The following LIPA variants were observed in gnomAD, a reference collection of about 807,000 sequenced individuals.
LIPA encodes lipase A, lysosomal acid type, also known as lysosomal acid lipase/cholesteryl ester hydrolase.
Under a neutral mutation model 40.6 loss-of-function variants are expected in LIPA, and 26 were observed. The ratio of observed to expected loss-of-function variants is 0.64; its 90% confidence interval spans 0.47 to 0.89. The LOEUF (loss-of-function observed/expected upper bound fraction) is 0.89, where lower values mean the gene tolerates loss of function less well. Ranked by LOEUF, LIPA falls within the 40% of genes least tolerant of loss-of-function variation. The pLI is 0.00. For missense variants in LIPA, 455 were observed against 479.6 expected (o/e 0.95, Z 0.48); for synonymous variants, 188 against 168.4 (o/e 1.12, Z -0.90).
intron 2 of LIPA, among the ~76,000 whole-genome samples, chr10:89,375,097 C>T (rs529862805): frequency 6.6e-6 from 1 of 152,218 alleles, no homozygotes; most frequent in Non-Finnish European, 1.5e-5. Context: ...ACTGTGAAAG[C>T]AACACTCACA....
At chr10:89,223,215 CA>C (rs1416994506) in intron 7 of LIPA, among the ~76,000 whole-genome samples, 7 of 151,968 alleles carry the variant, frequency 4.6e-5, no homozygotes, top group Non-Finnish European at 8.8e-5. Flanking sequence ...AGGTTTGTTA[CA>C]AGGGTGGATT....
intron 1 of LIPA, among the ~76,000 whole-genome samples, chr10:89,294,219 A>T (rs1289685876): frequency 6.6e-6 from 1 of 152,270 alleles, no homozygotes; most frequent in Non-Finnish European, 1.5e-5. Flanking sequence ...CCACTCAAAG[A>T]CTGCCCAACT....
chr10:89,244,387 A>G (rs1284193642), intron 3 of LIPA, among the ~76,000 whole-genome samples: 2 of 152,222 alleles, frequency 1.3e-5, no homozygotes, highest in Non-Finnish European at 2.9e-5. Flanking sequence ...TTGCCCGTAT[A>G]ACACTTAAAT....
upstream of LIPA, among the ~76,000 whole-genome samples, chr10:89,252,288 T>C (rs1170579302): frequency 6.6e-6 from 1 of 152,270 alleles, no homozygotes; most frequent in Non-Finnish European, 1.5e-5. Flanking sequence ...ATATTCAATA[T>C]GTACATATTA....
chr10:89,363,948 G>A (rs1291240358), intron 2 of LIPA, among the ~76,000 whole-genome samples: 1 of 152,180 alleles, frequency 6.6e-6, no homozygotes, highest in Admixed American at 6.5e-5. Flanking sequence ...CACATTGAAA[G>A]GGGAAAAGAA....
intron 1 of LIPA, among the ~76,000 whole-genome samples, chr10:89,261,460 G>A (rs1589581721): frequency 6.6e-6 from 1 of 152,064 alleles, no homozygotes; most frequent in East Asian, 1.9e-4. Flanking sequence ...AGCCCAGATC[G>A]TGCCATTGCA....
chr10:89,297,767 T>C (rs547526834), intron 1 of LIPA, among the ~76,000 whole-genome samples: 1 of 152,304 alleles, frequency 6.6e-6, no homozygotes, highest in East Asian at 1.9e-4. Flanking sequence ...TGGGCTTACA[T>C]GTAGAGAGCA....
chr10:89,387,350 C>T (rs1589629669), intron 2 of LIPA, among the ~76,000 whole-genome samples: 1 of 150,210 alleles, frequency 6.7e-6, no homozygotes, highest in Middle Eastern at 3.5e-3. Context: ...ATTTTAACAA[C>T]ATCAATTCAC....
At chr10:89,344,669 A>G (rs117510274), upstream of LIPA, among the ~76,000 whole-genome samples, 8 of 152,172 alleles carry the variant, frequency 5.3e-5, no homozygotes, top group East Asian at 1.5e-3. Flanking sequence ...CTGGCTTGGT[A>G]GTGCTCCCAT....
At chr10:89,247,723 C>T in intron 1 of LIPA, 74 bp from the exon 2 acceptor site, 4 of 1,072,468 alleles carry the variant, frequency 3.7e-6, no homozygotes, top group Non-Finnish European at 5.7e-6. Context: ...CTTAATGCTC[C>T]CACAAAAAGT....
intron 1 of LIPA, among the ~76,000 whole-genome samples, chr10:89,280,488 G>T (rs1402922822): frequency 2.0e-5 from 3 of 152,194 alleles, no homozygotes; most frequent in African/African-American, 4.8e-5. Context: ...GCTTTCAGAA[G>T]TTTGCACTCA....
intron 1 of LIPA, among the ~76,000 whole-genome samples, chr10:89,304,570 C>A (rs1180620604): frequency 6.6e-6 from 1 of 151,924 alleles, no homozygotes; most frequent in Non-Finnish European, 1.5e-5. Flanking sequence ...AATACAGCTC[C>A]TGATACAAGG....
At chr10:89,218,793 G>T (rs1009564442) in intron 8 of LIPA, among the ~76,000 whole-genome samples, 3 of 152,088 alleles carry the variant, frequency 2.0e-5, no homozygotes, top group African/African-American at 7.3e-5. Context: ...TCATCAGTCT[G>T]GGCCACCTCT....
chr10:89,276,078 G>A (rs1256265166), intron 1 of LIPA, among the ~76,000 whole-genome samples: 2 of 152,178 alleles, frequency 1.3e-5, no homozygotes, highest in Admixed American at 1.3e-4. Flanking sequence ...TAAAAGGTAG[G>A]CTCTGGATAG....
intron 1 of LIPA, among the ~76,000 whole-genome samples, chr10:89,262,611 G>T (rs919425765): frequency 2.0e-5 from 3 of 152,120 alleles, no homozygotes; most frequent in Non-Finnish European, 4.4e-5. Context: ...TGCAAAGAAT[G>T]GTCCCTGGCC....
At chr10:89,235,526 G>A (rs1037001323) in intron 3 of LIPA, among the ~76,000 whole-genome samples, 4 of 152,202 alleles carry the variant, frequency 2.6e-5, no homozygotes, top group South Asian at 2.1e-4. Context: ...GCCAGGAGGC[G>A]ATTACTCAAG....
intron 3 of LIPA, among the ~76,000 whole-genome samples, chr10:89,243,227 G>A (rs1354686617): frequency 1.3e-5 from 2 of 152,254 alleles, no homozygotes; most frequent in Non-Finnish European, 2.9e-5. Flanking sequence ...GGACAGTAAA[G>A]AGCCTCTGTC....
At chr10:89,298,998 A>T (rs1252687289) in intron 1 of LIPA, among the ~76,000 whole-genome samples, 1 of 151,244 alleles carries the variant, frequency 6.6e-6, no homozygotes, top group East Asian at 1.9e-4. Flanking sequence ...AATAAAAAAT[A>T]AAAAAATAAT....
Position 89,222,324 on chromosome 10 carries a change from A to G in LIPA, c.894+187T>C, listed in dbSNP as rs6586175. ...GTAGCTGTTTGTGAACCCACGTATA[A>G]CACAGTGTGCCCCACCACAGGTATC... On this transcript the variant is annotated intron_variant, in intron 8 of 9. Coordinates refer to ENST00000336233, the MANE Select transcript of LIPA (RefSeq NM_000235.4). 0.36 allele frequency among the ~76,000 whole-genome samples: 54,438 copies of G among 152,108 alleles called. 11,019 individuals carry two copies. The highest frequency in any genetic ancestry group is 0.83 in the East Asian group (4,295 of 5,172).
Sources: gnomAD v4.1 joint callset for allele counts (sites outside exome capture counted in the v4.1 genomes callset) on GRCh38, gnomAD v4.1.1 for gene constraint, MANE v1.5 for transcripts, NCBI Gene and HGNC (gene_info 2026-07-23, HGNC 2026-07-21) for gene names.